Variants in TBC1D12 observed in about 807,000 individuals in gnomAD.
TBC1D12 encodes the protein TBC1 domain family member 12, also known as TBC1 domain family, member 12.
In TBC1D12, 56 loss-of-function variants were observed where a neutral mutation model predicts 86.7. That is an observed-to-expected ratio of 0.65 (90% CI 0.52 to 0.81). The LOEUF (loss-of-function observed/expected upper bound fraction) is 0.81, where lower values mean the gene tolerates loss of function less well. Ranked by LOEUF, TBC1D12 falls within the 30% of genes least tolerant of loss-of-function variation. TBC1D12 has a pLI of 0.00. For missense variants in TBC1D12, 1,023 were observed against 1,038.8 expected (o/e 0.98, Z 0.21); for synonymous variants, 421 against 411.7 (o/e 1.02, Z -0.27).
Position 94,510,052 on chromosome 10 carries a change from C to G in TBC1D12, c.1601-39C>G, listed in dbSNP as rs376691234. 2.0e-6 allele frequency: 3 copies of G among 1,486,302 alleles called. No homozygotes were observed. The African/African-American group carries it at 4.2e-5, about 21-fold the overall frequency. 92.1% of individuals were successfully genotyped at this position (1,486,302 alleles called of 1,614,324 possible). A position where few individuals can be genotyped will look rare whatever the true frequency, so the allele number is the denominator to read the frequency against. ...TTTATAAAATTGGACTTGTTAGAGCCAAGTGATCATTTAAATTGTATCTGC... is the reference window on the plus strand; with the variant it reads ...TTTATAAAATTGGACTTGTTAGAGCGAAGTGATCATTTAAATTGTATCTGC... On this transcript the variant is annotated intron_variant, in intron 7 of 12. Coordinates refer to ENST00000225235, the MANE Select transcript of TBC1D12 (RefSeq NM_015188.2).
chr10:94,527,767 G>A (rs1391901885), intron 11 of TBC1D12, among the ~76,000 whole-genome samples: 3 of 151,974 alleles, frequency 2.0e-5, no homozygotes, highest in Non-Finnish European at 2.9e-5. Flanking sequence ...GTCTAGTTTT[G>A]TTTTGTTTAA....
In TBC1D12 at chr10:94,403,240, C is replaced by A. The variant is rs773795898; in HGVS notation, c.627C>A (p.Ala209=). ...GCTGCTGCCTGGTGGCCGCGGACGC[C>A]CAGGAGCCCGAGGGCGCGGGCAGCG... ...LRSCCLVAAD[A]QEPEGAGSDS... Residue 209 remains alanine, a synonymous_variant, in exon 1 of 13, where the codon GCC becomes GCA. Coordinates refer to ENST00000225235, the MANE Select transcript of TBC1D12 (RefSeq NM_015188.2). The A allele has an allele frequency of 4.4e-5, 67 of 1,508,058 alleles. No homozygotes were observed. The highest frequency in any genetic ancestry group is 5.6e-5 in the Non-Finnish European group (63 of 1,130,106). 93.4% of individuals were successfully genotyped at this position (1,508,058 alleles called of 1,614,324 possible). A position where few individuals can be genotyped will look rare whatever the true frequency, so the allele number is the denominator to read the frequency against.
At chr10:94,507,420 T>A in intron 7 of TBC1D12, 73 bp downstream of exon 7, 1 of 1,291,066 alleles carries the variant, frequency 7.7e-7, no homozygotes, top group Non-Finnish European at 1.1e-6. Flanking sequence ...GAAGCTGTAG[T>A]AATCGCTTTA....
In TBC1D12 at chr10:94,507,251, T is replaced by TC. The variant is rs2056470951; in HGVS notation, c.1520-10dup. Reference sequence around the variant, plus strand: ...TCCTATTATTCATACATTTTTGTTCTCCCCCCAACCCCCAGAACTTTATGA... The same window carrying TC: ...TCCTATTATTCATACATTTTTGTTCTCCCCCCCAACCCCCAGAACTTTATGA... On this transcript the variant is annotated splice_polypyrimidine_tract_variant and intron_variant, in intron 6 of 12. Coordinates refer to ENST00000225235, the MANE Select transcript of TBC1D12 (RefSeq NM_015188.2). The TC allele has an allele frequency of 6.3e-7, 1 of 1,599,146 alleles. No homozygotes were observed.
In TBC1D12 at chr10:94,480,701, T is replaced by C. The variant is rs79585955; in HGVS notation, c.1211+5918T>C. The stretch of plus-strand genomic sequence containing the variant: ...ACCTTGTCTCTACAAAAAAAATATA[T>C]ATATATGTTTATATATATATATAAA... On this transcript the variant is annotated intron_variant, in intron 3 of 12. Transcript: ENST00000225235. Among the ~76,000 whole-genome samples the C allele has an allele frequency of 7.1e-3, 1,060 of 149,784 alleles. 16 individuals carry two copies. The highest frequency in any genetic ancestry group is 0.025 in the African/African-American group (1,020 of 40,888).
At chr10:94,500,897 A>C (rs577062306) in intron 6 of TBC1D12, among the ~76,000 whole-genome samples, 8 of 151,954 alleles carry the variant, frequency 5.3e-5, no homozygotes, top group Non-Finnish European at 4.4e-5. Flanking sequence ...CTCTAGTAAA[A>C]ATACAAAAAT....
In TBC1D12 at chr10:94,402,585, C is replaced by T. The variant is rs199804945; in HGVS notation, c.-29C>T. 1.0e-3 allele frequency: 1,658 copies of T among 1,609,138 alleles called. 1 individual carries two copies. The highest frequency in any genetic ancestry group is 1.3e-3 in the Non-Finnish European group (1,534 of 1,178,114). On this transcript the variant is annotated 5_prime_UTR_variant, in exon 1 of 13. Coordinates refer to ENST00000225235, the MANE Select transcript of TBC1D12 (RefSeq NM_015188.2). Reference sequence around the variant, plus strand: ...GCCTGCGCCTGTAGTCCTTCTTTGCCTCCTGGGGCGGCCGCCACCCACCCC... The same window carrying T: ...GCCTGCGCCTGTAGTCCTTCTTTGCTTCCTGGGGCGGCCGCCACCCACCCC...
At chr10:94,474,418 C>T (rs1163760808) in intron 2 of TBC1D12, among the ~76,000 whole-genome samples, 2 of 151,550 alleles carry the variant, frequency 1.3e-5, no homozygotes, top group South Asian at 2.1e-4. Context: ...GTCTTGAATT[C>T]GTGAGCTCAA....
chr10:94,421,070 G>A (rs1417212941), intron 1 of TBC1D12, among the ~76,000 whole-genome samples: 1 of 152,058 alleles, frequency 6.6e-6, no homozygotes, highest in Non-Finnish European at 1.5e-5. Context: ...GTGCTATGCA[G>A]TAGAACACCA....
At chr10:94,511,675 G>A (rs1285094031) in intron 9 of TBC1D12, 21 bp downstream of exon 9, 16 of 1,566,272 alleles carry the variant, frequency 1.0e-5, no homozygotes, top group Non-Finnish European at 1.4e-5. Flanking sequence ...GTTTCCATCT[G>A]TTTTTTGAAT....
chr10:94,407,240 C>T (rs1270999030), intron 1 of TBC1D12, among the ~76,000 whole-genome samples: 1 of 152,210 alleles, frequency 6.6e-6, no homozygotes, highest in Non-Finnish European at 1.5e-5. Flanking sequence ...CACTTTCCTT[C>T]CCTTCCACAT....
At position 94,510,123 on chromosome 10, in the gene TBC1D12, G is replaced by T; in HGVS notation, c.1633G>T (p.Glu545Ter). The change falls in exon 8 of 13, where the codon GAA (glutamate) becomes TAA (stop). Residue 545 changes from glutamate to a stop codon, truncating the protein, a stop_gained. Transcript: ENST00000225235. LOFTEE classifies it high-confidence loss of function. Reference protein sequence around the residue: ...VSVADREASLELIKLDISRTF... With the variant: ...VSVADREASL ...TGTTGCTGATCGAGAGGCCAGTCTG[G>T]AATTAATTAAGTTGGACATATCCCG... 6.2e-7 allele frequency: 1 copy of T among 1,609,688 alleles called. No homozygotes were observed. Among genetic ancestry groups the T allele is most frequent in the Non-Finnish European group, 8.5e-7 (1 of 1,178,984 alleles).
At chr10:94,437,416 C>A (rs1337705676) in intron 1 of TBC1D12, among the ~76,000 whole-genome samples, 1 of 151,916 alleles carries the variant, frequency 6.6e-6, no homozygotes, top group Non-Finnish European at 1.5e-5. Context: ...AGCTCCGCCT[C>A]CTGGGTTCAC....
At chr10:94,446,807 T>G (rs2055468778) in intron 2 of TBC1D12, among the ~76,000 whole-genome samples, 1 of 152,088 alleles carries the variant, frequency 6.6e-6, no homozygotes, top group Non-Finnish European at 1.5e-5. Flanking sequence ...TTTTGCTGGG[T>G]GCGGTGGCTC....
chr10:94,450,478 A>G (rs1434216564), intron 2 of TBC1D12, among the ~76,000 whole-genome samples: 1 of 152,098 alleles, frequency 6.6e-6, no homozygotes, highest in African/African-American at 2.4e-5. Flanking sequence ...ATAGGACAGT[A>G]TATCAAAGAT....
intron 3 of TBC1D12, among the ~76,000 whole-genome samples, chr10:94,488,540 G>GC (rs1564972884): frequency 6.7e-6 from 1 of 150,304 alleles, no homozygotes; most frequent in Non-Finnish European, 1.5e-5. Context: ...ACAGGCACAT[G>GC]CCACCACACC....
intron 6 of TBC1D12, among the ~76,000 whole-genome samples, chr10:94,507,001 A>G (rs1476415400): frequency 6.6e-6 from 1 of 152,152 alleles, no homozygotes; most frequent in African/African-American, 2.4e-5. Context: ...CTGCTGTTCC[A>G]CAATGATACT....
chr10:94,462,123 G>A (rs2055738449), intron 2 of TBC1D12, among the ~76,000 whole-genome samples: 1 of 152,148 alleles, frequency 6.6e-6, no homozygotes, highest in Non-Finnish European at 1.5e-5. Flanking sequence ...TAATGCTTTT[G>A]TCAGATTCTG....
chr10:94,448,759 A>G (rs1296095195), intron 2 of TBC1D12, among the ~76,000 whole-genome samples: 2 of 152,116 alleles, frequency 1.3e-5, no homozygotes, highest in East Asian at 1.9e-4. Context: ...GATTACAGGC[A>G]TGTGCCACCA....
Sources: gnomAD v4.1 joint callset for allele counts (sites outside exome capture counted in the v4.1 genomes callset) on GRCh38, gnomAD v4.1.1 for gene constraint, MANE v1.5 for transcripts, NCBI Gene and HGNC (gene_info 2026-07-23, HGNC 2026-07-21) for gene names.